Variants in NKAIN3 observed in about 807,000 individuals in gnomAD.
NKAIN3 encodes the protein sodium/potassium-transporting ATPase subunit beta-1-interacting protein 3.
In NKAIN3, 25 loss-of-function variants were observed where a neutral mutation model predicts 30.2. The ratio of observed to expected loss-of-function variants is 0.83; its 90% CI spans 0.60 to 1.16. The LOEUF is 1.16. Among genes scored for constraint, NKAIN3 ranks in the 50% most tolerant of loss-of-function variants. The pLI, the probability that NKAIN3 is intolerant of heterozygous loss-of-function variation, is 0.00. For missense variants in NKAIN3, 225 were observed against 254.1 expected (o/e 0.89, Z 0.78); for synonymous variants, 91 against 89.6 (o/e 1.02, Z -0.09).
intron 3 of NKAIN3, among the ~76,000 whole-genome samples, chr8:62,734,722 G>T (rs1390611524): frequency 6.6e-6 from 1 of 152,234 alleles, no homozygotes; most frequent in Non-Finnish European, 1.5e-5. Context: ...GTCAAAAACT[G>T]CTGAAAGGCA....
chr8:62,303,598 G>C (rs1410285343), intron 1 of NKAIN3, among the ~76,000 whole-genome samples: 2 of 150,430 alleles, frequency 1.3e-5, no homozygotes, highest in African/African-American at 2.5e-5. Context: ...AGCATTGACA[G>C]ACAATCCACT....
intron 1 of NKAIN3, among the ~76,000 whole-genome samples, chr8:62,393,876 G>T (rs1240131761): frequency 6.6e-6 from 1 of 151,940 alleles, no homozygotes; most frequent in East Asian, 1.9e-4. Context: ...ATTAAAATTT[G>T]ATTTTATTGT....
In NKAIN3 at chr8:62,981,310, A is replaced by T. The variant is rs1359073620; in HGVS notation, c.*15903A>T. On this transcript the variant is annotated 3_prime_UTR_variant, in exon 7 of 7. Coordinates refer to ENST00000623646, the MANE Select transcript of NKAIN3 (RefSeq NM_001304533.3). ...GATGCTAGATGACAGATTCTACCAG[A>T]AGGCCAGAGTATTAATAGCACCCGT... 2 of 152,324 alleles carry T rather than the reference A, an allele frequency of 1.3e-5. No individual in the cohort carries two copies. Among genetic ancestry groups the T allele is most frequent in the Non-Finnish European group, 1.5e-5 (1 of 68,026 alleles). The allele number at this position is 152,324 out of a possible 1,614,324, so 9.4% of individuals were successfully genotyped here. A position where few individuals can be genotyped will look rare whatever the true frequency, so the allele number is the denominator to read the frequency against.
intron 4 of NKAIN3, among the ~76,000 whole-genome samples, chr8:62,869,320 C>A (rs1166473970): frequency 6.6e-6 from 1 of 152,042 alleles, no homozygotes; most frequent in Non-Finnish European, 1.5e-5. Flanking sequence ...CTTGCCGCCA[C>A]CCGGCGCCCC....
chr8:62,885,386 G>A (rs1478073259), intron 4 of NKAIN3, among the ~76,000 whole-genome samples: 3 of 152,144 alleles, frequency 2.0e-5, no homozygotes, highest in Non-Finnish European at 4.4e-5. Context: ...GTTAAGTTGT[G>A]TTTTATGGCC....
At chr8:62,617,151 G>C (rs1252129551) in intron 3 of NKAIN3, among the ~76,000 whole-genome samples, 1 of 152,156 alleles carries the variant, frequency 6.6e-6, no homozygotes, top group Non-Finnish European at 1.5e-5. Context: ...CAAGTGCCAT[G>C]CTTCTACAGC....
rs552967402 is a variant in NKAIN3, at chr8:62,516,065, A to G, written c.55-63474A>G. 2.6e-5 allele frequency among the ~76,000 whole-genome samples: 4 copies of G among 152,208 alleles called. No individual in the cohort carries two copies. In the East Asian group the frequency reaches 7.7e-4, roughly 29 times the overall value. On this transcript the variant is annotated intron_variant, in intron 1 of 6. Transcript: ENST00000623646. ...CCCATTTTTTTTTAAGAAAGGAAGT[A>G]AAGTACACTTGGAAGAGAGCCAAGC...
intron 1 of NKAIN3, among the ~76,000 whole-genome samples, chr8:62,539,100 A>G (rs895463888): frequency 1.3e-5 from 2 of 152,210 alleles, no homozygotes; most frequent in Non-Finnish European, 2.9e-5. Flanking sequence ...CTGATACACT[A>G]TCTACCAACT....
intron 1 of NKAIN3, among the ~76,000 whole-genome samples, chr8:62,253,683 C>T (rs1812178754): frequency 6.6e-6 from 1 of 152,164 alleles, no homozygotes. Flanking sequence ...CCTTTCCATA[C>T]CACATTCAAA....
intron 1 of NKAIN3, among the ~76,000 whole-genome samples, chr8:62,274,816 A>G (rs543719019): frequency 8.1e-4 from 122 of 150,434 alleles, no homozygotes; most frequent in African/African-American, 2.8e-3. Context: ...TCATTGTTCA[A>G]TTCCCACCTA....
At chr8:62,489,613 A>G (rs536366238) in intron 1 of NKAIN3, among the ~76,000 whole-genome samples, 40 of 152,336 alleles carry the variant, frequency 2.6e-4, no homozygotes, top group African/African-American at 9.4e-4. Context: ...ATGATGACAA[A>G]ACAGCATATT....
chr8:62,956,131 T>A (rs1010436895), intron 6 of NKAIN3, among the ~76,000 whole-genome samples: 7 of 152,208 alleles, frequency 4.6e-5, no homozygotes, highest in Non-Finnish European at 2.9e-5. Flanking sequence ...ATTTATCCAG[T>A]CTGCCTCTGT....
At chr8:62,394,640 G>A (rs532834203) in intron 1 of NKAIN3, among the ~76,000 whole-genome samples, 2 of 152,148 alleles carry the variant, frequency 1.3e-5, no homozygotes, top group African/African-American at 4.8e-5. Context: ...CCAGACAGAG[G>A]TGCTCCTCAC....
intron 3 of NKAIN3, among the ~76,000 whole-genome samples, chr8:62,667,447 C>T (rs146598648): frequency 6.7e-6 from 1 of 149,812 alleles, no homozygotes; most frequent in East Asian, 2.0e-4. Context: ...GACCAACCCA[C>T]AGATGTGATC....
intron 1 of NKAIN3, among the ~76,000 whole-genome samples, chr8:62,305,944 T>C (rs1814223408): frequency 6.6e-6 from 1 of 150,490 alleles, no homozygotes; most frequent in Non-Finnish European, 1.5e-5. Flanking sequence ...TGGCCAGCAT[T>C]CAGTGGGGCA....
At chr8:62,395,209 C>T (rs1204653717) in intron 1 of NKAIN3, among the ~76,000 whole-genome samples, 1 of 148,072 alleles carries the variant, frequency 6.8e-6, no homozygotes, top group Admixed American at 6.7e-5. Context: ...GCGCCCCTCA[C>T]TTCCCAGACC....
rs987635292 is a variant in NKAIN3, at chr8:62,720,422, A to C, written c.274-26510A>C. ...ATGGTCATGAGTAAAATAAATGCCC[A>C]AACAATACCATGAATTATTAAATAT... On this transcript the variant is annotated intron_variant, in intron 3 of 6. Transcript: ENST00000623646. Among the ~76,000 whole-genome samples, 12 of 152,332 alleles carry C rather than the reference A, an allele frequency of 7.9e-5. No homozygotes were observed. The South Asian group carries it at 1.9e-3, about 24-fold the overall frequency.
At chr8:62,840,950 A>T (rs191732102) in intron 4 of NKAIN3, among the ~76,000 whole-genome samples, 128 of 152,246 alleles carry the variant, frequency 8.4e-4, no homozygotes, top group African/African-American at 2.6e-3. Flanking sequence ...CATTTTCCCC[A>T]GGGACTTTCA....
chr8:62,747,522 G>A (rs938294623), intron 4 of NKAIN3, among the ~76,000 whole-genome samples: 1 of 152,052 alleles, frequency 6.6e-6, no homozygotes, highest in Non-Finnish European at 1.5e-5. Flanking sequence ...TGGCTTGCTT[G>A]GTCTAATAAA....
Sources: allele counts gnomAD v4.1 joint callset (sites outside exome capture counted in the v4.1 genomes callset), GRCh38; gene constraint gnomAD v4.1.1; transcripts MANE v1.5; gene names NCBI Gene and HGNC (gene_info 2026-07-23, HGNC 2026-07-21).